Variants in CCSER1 observed in about 807,000 individuals in gnomAD.
The protein encoded by CCSER1 is coiled-coil serine rich protein 1.
CCSER1 carries 41 observed loss-of-function variants against 82.0 expected under a neutral mutation model. The ratio of observed to expected loss-of-function variants is 0.50; its 90% CI spans 0.39 to 0.65. The LOEUF is 0.65. Ranked by LOEUF, CCSER1 falls within the 30% of genes least tolerant of loss-of-function variation. The pLI is 0.00. For synonymous variants in CCSER1, 414 were observed against 383.9 expected (o/e 1.08, Z -0.92); for missense variants, 1,119 against 1,064.2 (o/e 1.05, Z -0.72).
chr4:90,381,120 T>A (rs1292167358), intron 3 of CCSER1, among the ~76,000 whole-genome samples: 1 of 152,224 alleles, frequency 6.6e-6, no homozygotes, highest in Non-Finnish European at 1.5e-5. Context: ...CAAGGATTGT[T>A]CAGTGAGGGC....
At position 90,783,970 on chromosome 4, in the gene CCSER1, C is replaced by CA. The variant is rs201141464; in HGVS notation, c.2011-31783dup. Among the ~76,000 whole-genome samples the CA allele has an allele frequency of 9.3e-5, 14 of 150,902 alleles. No individual in the cohort carries two copies. In the East Asian group the frequency reaches 1.6e-3, roughly 17 times the overall value. ...GCTGGAAAGCACATGCTGCAACTTACAAAAAAAAAGAAAAAAAACTCATTA... is the reference window on the plus strand; with the variant it reads ...GCTGGAAAGCACATGCTGCAACTTACAAAAAAAAAAGAAAAAAAACTCATTA... On this transcript the variant is annotated intron_variant, in intron 7 of 10. Transcript: ENST00000509176.
chr4:90,282,647 C>G (rs1387231052), intron 1 of CCSER1, among the ~76,000 whole-genome samples: 1 of 151,712 alleles, frequency 6.6e-6, no homozygotes, highest in African/African-American at 2.4e-5. Flanking sequence ...CTCATCTTAC[C>G]CAAATTACTG....
At chr4:90,654,506 C>T (rs1358553722) in intron 6 of CCSER1, among the ~76,000 whole-genome samples, 1 of 151,576 alleles carries the variant, frequency 6.6e-6, no homozygotes, top group African/African-American at 2.4e-5. Context: ...TTAAATTAAC[C>T]CATTTTCCAT....
intron 9 of CCSER1, among the ~76,000 whole-genome samples, chr4:90,994,432 G>T (rs948038901): frequency 2.0e-5 from 3 of 151,800 alleles, no homozygotes; most frequent in African/African-American, 7.3e-5. Context: ...GGTTATATGG[G>T]TACTCAAAGT....
At chr4:90,898,603 G>A (rs1384830585) in intron 8 of CCSER1, among the ~76,000 whole-genome samples, 1 of 151,596 alleles carries the variant, frequency 6.6e-6, no homozygotes, top group South Asian at 2.1e-4. Context: ...TCTTTAATCT[G>A]TCTTGAGTTA....
intron 6 of CCSER1, among the ~76,000 whole-genome samples, chr4:90,630,440 A>G (rs568997681): frequency 1.0e-3 from 159 of 152,334 alleles, no homozygotes; most frequent in African/African-American, 3.7e-3. Context: ...TATAAAGTCA[A>G]TATTCAGAAT....
intron 9 of CCSER1, among the ~76,000 whole-genome samples, chr4:91,000,807 C>G (rs1292442184): frequency 1.3e-5 from 2 of 152,122 alleles, no homozygotes; most frequent in Non-Finnish European, 2.9e-5. Context: ...AGTTGTTTAT[C>G]AGTTCCAGGA....
Position 90,519,918 on chromosome 4 carries a change from A to C in CCSER1, c.1724+51564A>C, listed in dbSNP as rs1466373232. Among the ~76,000 whole-genome samples, 6 of 152,188 alleles carry C rather than the reference A, an allele frequency of 3.9e-5. No homozygotes were observed. The South Asian group carries it at 6.2e-4, about 16-fold the overall frequency. On this transcript the variant is annotated intron_variant, in intron 5 of 10. Coordinates refer to ENST00000509176, the MANE Select transcript of CCSER1 (RefSeq NM_001145065.2). ...CTATTCAAAAACACGGTTTTCTTTG[A>C]AGTGAAAACTACATTGATTGGTTTA...
intron 6 of CCSER1, among the ~76,000 whole-genome samples, chr4:90,708,205 G>A (rs552249931): frequency 3.0e-4 from 45 of 152,118 alleles, no homozygotes; most frequent in Middle Eastern, 3.2e-3. Context: ...TAAAAATAGC[G>A]TCATGCCTGA....
intron 1 of CCSER1, among the ~76,000 whole-genome samples, chr4:90,294,397 G>A (rs537051060): frequency 3.2e-4 from 48 of 151,906 alleles, no homozygotes; most frequent in Middle Eastern, 3.4e-3. Context: ...AGGATTCTTA[G>A]CACTTCCATA....
chr4:90,636,510 A>C (rs1725445544), intron 6 of CCSER1, among the ~76,000 whole-genome samples: 1 of 152,054 alleles, frequency 6.6e-6, no homozygotes, highest in African/African-American at 2.4e-5. Context: ...GCAATATGTA[A>C]ATAATGACCT....
intron 1 of CCSER1, among the ~76,000 whole-genome samples, chr4:90,165,271 A>G (rs1035003125): frequency 3.3e-5 from 5 of 152,102 alleles, no homozygotes; most frequent in African/African-American, 1.2e-4. Flanking sequence ...AAATATTACT[A>G]AAACTGTTCT....
rs145119210 is a variant in CCSER1, at chr4:90,622,446, G to A, written c.1725-5579G>A. ...CCCCAACCCCTCGACAGGCCCCGGT[G>A]CGTGATGTTCCCTTTCCTGTGTCCA... On this transcript the variant is annotated intron_variant, in intron 5 of 10. Transcript: ENST00000509176. Among the ~76,000 whole-genome samples, 30 of 152,236 alleles carry A rather than the reference G, an allele frequency of 2.0e-4. No individual in the cohort carries two copies. In the East Asian group the frequency reaches 5.8e-3, roughly 29 times the overall value.
At chr4:90,930,982 A>G (rs1581121971) in intron 9 of CCSER1, among the ~76,000 whole-genome samples, 2 of 146,698 alleles carry the variant, frequency 1.4e-5, no homozygotes, top group Admixed American at 1.4e-4. Flanking sequence ...ATATGTACAT[A>G]TATATTGACA....
At chr4:91,336,649 C>G (rs1747346078) in intron 10 of CCSER1, among the ~76,000 whole-genome samples, 1 of 151,936 alleles carries the variant, frequency 6.6e-6, no homozygotes, top group South Asian at 2.1e-4. Context: ...AAAAATAAAA[C>G]AGTCTTTCAG....
intron 3 of CCSER1, among the ~76,000 whole-genome samples, chr4:90,354,090 TA>T (rs1475271188): frequency 6.6e-6 from 1 of 152,170 alleles, no homozygotes; most frequent in Non-Finnish European, 1.5e-5. Context: ...TGGTATATAT[TA>T]ATGTAATGAA....
intron 5 of CCSER1, among the ~76,000 whole-genome samples, chr4:90,549,021 A>G (rs1410622217): frequency 6.6e-6 from 1 of 152,094 alleles, no homozygotes; most frequent in East Asian, 1.9e-4. Flanking sequence ...AGTCTTAGGA[A>G]CACACTTTAC....
At chr4:91,206,792 A>G (rs1736386925) in intron 10 of CCSER1, among the ~76,000 whole-genome samples, 1 of 151,874 alleles carries the variant, frequency 6.6e-6, no homozygotes, top group African/African-American at 2.4e-5. Flanking sequence ...AAGAGATACG[A>G]GAAGTACCTC....
intron 7 of CCSER1, among the ~76,000 whole-genome samples, chr4:90,806,071 T>C (rs6532248): frequency 0.34 from 51,702 of 151,992 alleles, 9,001 homozygotes; most frequent in East Asian, 0.42. Flanking sequence ...CAGTTTTTGT[T>C]ATATAGTAAT....
Sources: allele counts gnomAD v4.1 joint callset (sites outside exome capture counted in the v4.1 genomes callset), GRCh38; gene constraint gnomAD v4.1.1; transcripts MANE v1.5; gene names NCBI Gene and HGNC (gene_info 2026-07-23, HGNC 2026-07-21).